Variants in NRXN3 observed in about 807,000 individuals in gnomAD.
NRXN3 encodes neurexin 3, also known as neurexin III.
NRXN3 carries 32 observed loss-of-function variants against 137.6 expected under a neutral mutation model. The observed-to-expected ratio is 0.23, with a 90% CI of 0.18 to 0.31. The LOEUF (loss-of-function observed/expected upper bound fraction) is 0.31, where lower values mean the gene tolerates loss of function less well. NRXN3 is among the 10% of genes least tolerant of loss of function. The pLI is 1.00. For missense variants in NRXN3, 1,574 were observed against 2,062.5 expected (o/e 0.76, Z 4.59); for synonymous variants, 798 against 784.5 (o/e 1.02, Z -0.29).
At chr14:79,112,840 CAT>C (rs1193855904) in intron 15 of NRXN3, among the ~76,000 whole-genome samples, 13 of 152,112 alleles carry the variant, frequency 8.5e-5, no homozygotes, top group Non-Finnish European at 1.6e-4. Context: ...TGTGAAGTGT[CAT>C]AGAATTTACA....
chr14:79,638,824 G>A (rs2098418557), intron 16 of NRXN3, among the ~76,000 whole-genome samples: 1 of 152,296 alleles, frequency 6.6e-6, no homozygotes, highest in East Asian at 1.9e-4. Flanking sequence ...CGGAGAAGGC[G>A]CTGAGGCTTA....
At chr14:78,290,641 A>C (rs2075714717) in intron 3 of NRXN3, among the ~76,000 whole-genome samples, 1 of 152,156 alleles carries the variant, frequency 6.6e-6, no homozygotes, top group African/African-American at 2.4e-5. Context: ...CTTGTCTCAA[A>C]AAAAAAGGGG....
At chr14:79,764,487 T>C (rs2099049622) in intron 19 of NRXN3, among the ~76,000 whole-genome samples, 3 of 152,188 alleles carry the variant, frequency 2.0e-5, no homozygotes, top group Admixed American at 2.0e-4. Flanking sequence ...CGTTACATTG[T>C]TTTATCTTGT....
intron 17 of NRXN3, among the ~76,000 whole-genome samples, chr14:79,670,268 A>C (rs2098599731): frequency 1.3e-5 from 2 of 151,974 alleles, no homozygotes; most frequent in African/African-American, 4.8e-5. Flanking sequence ...TCATCTAATG[A>C]GTTTTGATAT....
intron 19 of NRXN3, among the ~76,000 whole-genome samples, chr14:79,779,414 A>G (rs1287378002): frequency 6.6e-6 from 1 of 152,068 alleles, no homozygotes; most frequent in Non-Finnish European, 1.5e-5. Flanking sequence ...TGCCCGGCCA[A>G]TCAATTGTTA....
At chr14:79,859,777 C>T (rs2099410475) in intron 20 of NRXN3, among the ~76,000 whole-genome samples, 1 of 152,184 alleles carries the variant, frequency 6.6e-6, no homozygotes, top group Non-Finnish European at 1.5e-5. Context: ...AGAAAGAGGC[C>T]TTCAACAATA....
intron 6 of NRXN3, among the ~76,000 whole-genome samples, chr14:78,669,265 T>C (rs1026462970): frequency 2.3e-4 from 33 of 142,848 alleles, no homozygotes; most frequent in Non-Finnish European, 4.6e-4. Context: ...GTGGCGGTAA[T>C]GGTAGTAGTA....
At chr14:79,645,509 G>A (rs1448564533) in intron 16 of NRXN3, among the ~76,000 whole-genome samples, 4 of 132,182 alleles carry the variant, frequency 3.0e-5, no homozygotes, top group South Asian at 2.4e-4. Context: ...CCAGCTACTC[G>A]GGAGGCTAAG....
chr14:79,212,407 AG>A (rs761830315), intron 15 of NRXN3, among the ~76,000 whole-genome samples: 20 of 152,158 alleles, frequency 1.3e-4, no homozygotes, highest in Non-Finnish European at 2.5e-4. Flanking sequence ...CTCTGTTCTT[AG>A]GTTAATCCAT....
At chr14:78,667,941 G>A (rs936231426) in intron 6 of NRXN3, among the ~76,000 whole-genome samples, 17 of 152,094 alleles carry the variant, frequency 1.1e-4, no homozygotes, top group Middle Eastern at 3.4e-3. Flanking sequence ...CCGCCACCAC[G>A]CCCAGCTAAT....
intron 15 of NRXN3, among the ~76,000 whole-genome samples, chr14:79,290,231 C>T (rs79627935): frequency 0.016 from 2,415 of 152,130 alleles, 48 homozygotes; most frequent in South Asian, 0.092. Context: ...TCAGAACTGA[C>T]GATATATATT....
intron 15 of NRXN3, among the ~76,000 whole-genome samples, chr14:79,296,368 A>G (rs2084123025): frequency 6.6e-6 from 1 of 152,082 alleles, no homozygotes; most frequent in Admixed American, 6.6e-5. Flanking sequence ...AAAGTGCTTC[A>G]TAGCAGAAAT....
At chr14:78,447,738 A>G (rs1212912266) in intron 4 of NRXN3, among the ~76,000 whole-genome samples, 1 of 152,198 alleles carries the variant, frequency 6.6e-6, no homozygotes. Flanking sequence ...ATGGCCTGAG[A>G]TTTGAAAATG....
At chr14:79,849,186 T>A (rs1388430981) in intron 20 of NRXN3, among the ~76,000 whole-genome samples, 1 of 152,184 alleles carries the variant, frequency 6.6e-6, no homozygotes, top group African/African-American at 2.4e-5. Context: ...GGCTTCCCAA[T>A]TGATCTCCCC....
At chr14:79,572,491 T>G (rs2153799438) in intron 16 of NRXN3, among the ~76,000 whole-genome samples, 1 of 152,318 alleles carries the variant, frequency 6.6e-6, no homozygotes. Flanking sequence ...TTAGTACACT[T>G]GAGTCCAAAG....
chr14:79,702,478 T>C (rs992606393), intron 19 of NRXN3, among the ~76,000 whole-genome samples: 1 of 151,930 alleles, frequency 6.6e-6, no homozygotes, highest in African/African-American at 2.4e-5. Context: ...AAGAGCACAA[T>C]TGGACAGGTG....
At chr14:79,526,912 A>C (rs894101835) in intron 16 of NRXN3, among the ~76,000 whole-genome samples, 1 of 152,216 alleles carries the variant, frequency 6.6e-6, no homozygotes, top group Non-Finnish European at 1.5e-5. Context: ...AAATTAAGCC[A>C]CAGTTTAAGA....
Position 79,861,406 on chromosome 14 carries a change from C to T in NRXN3, c.4158C>T (p.Ser1386=). The change falls in exon 21 of 21, where the codon TCC becomes TCT. Residue 1386 remains serine (S), a synonymous_variant. Transcript: ENST00000335750. The surrounding 1 kb of genome is among the most constrained non-coding windows in gnomAD (Gnocchi z 5.4). ...AAGCACATGCGCCCAAGTGGGAATC[C>T]AAGGACTTTAGACCTAACAAAGTCT... The part of the protein sequence containing the change: ...GYKAHAPKWE[S]KDFRPNKVSE... 6.5e-7 allele frequency: 1 copy of T among 1,536,230 alleles called. No homozygotes were observed.
intron 8 of NRXN3, among the ~76,000 whole-genome samples, chr14:78,777,943 A>C (rs1271783792): frequency 1.3e-5 from 2 of 151,344 alleles, no homozygotes; most frequent in Admixed American, 6.6e-5. Flanking sequence ...TTGTAGTTTT[A>C]GTAGAGACAG....
Sources: allele counts gnomAD v4.1 joint callset (sites outside exome capture counted in the v4.1 genomes callset), GRCh38; gene constraint gnomAD v4.1.1; non-coding constraint Gnocchi (gnomAD v3.1); transcripts MANE v1.5; gene names NCBI Gene and HGNC (gene_info 2026-07-23, HGNC 2026-07-21).